Variants in C2CD2 observed in about 807,000 individuals in gnomAD.
C2CD2 encodes C2 domain-containing protein 2.
Under a neutral mutation model 74.3 loss-of-function variants are expected in C2CD2, and 43 were observed. The ratio of observed to expected loss-of-function variants is 0.58; its 90% CI spans 0.45 to 0.75. The LOEUF (loss-of-function observed/expected upper bound fraction) is 0.75. Ranked by LOEUF, C2CD2 falls within the 30% of genes least tolerant of loss-of-function variation. The probability of loss-of-function intolerance (pLI) is 0.00; values close to 1 mark genes in which losing one functional copy is unlikely to be tolerated. For synonymous variants in C2CD2, 422 were observed against 390.7 expected (o/e 1.08, Z -0.94); for missense variants, 801 against 916.3 (o/e 0.87, Z 1.63).
In C2CD2 at chr21:41,953,682, C is replaced by T. The variant is rs2065470035; in HGVS notation, c.-34G>A. On this transcript the variant is annotated 5_prime_UTR_variant, in exon 1 of 14. Transcript: ENST00000380486. ...CCCGGCCCGCCTCGCCCCAACTTCC[C>T]CGGCAGCCCCGGGCCGGAACGGCGG... 4 of 1,369,366 alleles carry T rather than the reference C, an allele frequency of 2.9e-6. No homozygotes were observed. The highest frequency in any genetic ancestry group is 3.8e-6 in the Non-Finnish European group (4 of 1,065,848). 84.8% of individuals were successfully genotyped at this position (1,369,366 alleles called of 1,614,324 possible).
intron 2 of C2CD2, among the ~76,000 whole-genome samples, chr21:41,928,777 C>G (rs988959166): frequency 6.6e-6 from 1 of 151,950 alleles, no homozygotes; most frequent in Non-Finnish European, 1.5e-5. Context: ...ACACCCAGGG[C>G]GAGTTATGGG....
At chr21:41,925,329 A>AG (rs1186906114) in intron 2 of C2CD2, among the ~76,000 whole-genome samples, 3 of 151,930 alleles carry the variant, frequency 2.0e-5, no homozygotes, top group Non-Finnish European at 4.4e-5. Flanking sequence ...CTTAAAAAAA[A>AG]AAAAATTAGC....
intron 13 of C2CD2, among the ~76,000 whole-genome samples, chr21:41,897,384 C>T (rs1191510531): frequency 3.9e-5 from 6 of 152,138 alleles, no homozygotes; most frequent in African/African-American, 1.4e-4. Flanking sequence ...ATGTTTGTCC[C>T]GCTTCGCCCA....
chr21:41,919,120 GCATGTGTGCATATGAGCATGTGTGCT>G (rs2065127133), intron 3 of C2CD2, 160 bp from the exon 4 acceptor site: 1 of 631,210 alleles, frequency 1.6e-6, no homozygotes, highest in African/African-American at 1.8e-5. Context: ...GCGTGTATGC[GCATGTGTGCATATGAGCATGTGTGCT>G]CATGTGTGCA....
At chr21:41,936,813 TC>T (rs2065311201) in intron 2 of C2CD2, among the ~76,000 whole-genome samples, 3 of 142,946 alleles carry the variant, frequency 2.1e-5, no homozygotes, top group Admixed American at 7.4e-5. Context: ...GATTTTCTTT[TC>T]CTTTTTTTTT....
chr21:41,930,645 T>TA (rs2065254198), intron 2 of C2CD2, among the ~76,000 whole-genome samples: 1 of 148,178 alleles, frequency 6.7e-6, no homozygotes, highest in South Asian at 2.2e-4. Flanking sequence ...GAGGTTGCAG[T>TA]AAGCCAAGAT....
At chr21:41,949,414 G>C (rs2065431774) in intron 1 of C2CD2, among the ~76,000 whole-genome samples, 1 of 152,172 alleles carries the variant, frequency 6.6e-6, no homozygotes, top group Admixed American at 6.5e-5. Flanking sequence ...TGTGACCAAA[G>C]AGTGATCACA....
At chr21:41,949,146 G>C (rs1057271652) in intron 1 of C2CD2, among the ~76,000 whole-genome samples, 20 of 151,908 alleles carry the variant, frequency 1.3e-4, no homozygotes, top group African/African-American at 4.6e-4. Context: ...AGGAGTTCTG[G>C]GCAGCCCACG....
chr21:41,891,716 G>C (rs958803871), intron 13 of C2CD2, among the ~76,000 whole-genome samples: 3 of 152,124 alleles, frequency 2.0e-5, no homozygotes, highest in Non-Finnish European at 4.4e-5. Flanking sequence ...GAGAGGAAGG[G>C]GTGGATCCAT....
chr21:41,933,311 G>A lies in C2CD2; in HGVS notation c.378+8836C>T, dbSNP rs1384978913. Reference sequence around the variant, plus strand: ...ATGCCCAGCTGAGGGAACACGAGGCGGTGCAGACACGGAATTAGGTGTAAA... The same window carrying A: ...ATGCCCAGCTGAGGGAACACGAGGCAGTGCAGACACGGAATTAGGTGTAAA... On this transcript the variant is annotated intron_variant, in intron 2 of 13. Coordinates refer to ENST00000380486, the MANE Select transcript of C2CD2 (RefSeq NM_015500.2). Among the ~76,000 whole-genome samples, 3 of 133,872 alleles carry A rather than the reference G, an allele frequency of 2.2e-5. No homozygotes were observed. In the South Asian group the frequency reaches 7.2e-4, roughly 32 times the overall value. The allele number at this position is 133,872 out of a possible 152,430, so 87.8% of individuals were successfully genotyped here.
intron 3 of C2CD2, among the ~76,000 whole-genome samples, chr21:41,920,798 G>C (rs2065147068): frequency 6.6e-6 from 1 of 152,220 alleles, no homozygotes; most frequent in South Asian, 2.1e-4. Context: ...TGAATGCTTT[G>C]ATATAATAAA....
chr21:41,901,642 T>C lies in C2CD2; in HGVS notation c.1540A>G (p.Ile514Val), dbSNP rs900651385. The C allele has an allele frequency of 1.2e-6, 2 of 1,614,204 alleles. No individual in the cohort carries two copies. Among genetic ancestry groups the C allele is most frequent in the Non-Finnish European group, 1.7e-6 (2 of 1,180,018 alleles). Residue 514 changes from isoleucine to valine, a missense_variant, in exon 12 of 14, where the codon ATC becomes GTC. Coordinates refer to ENST00000380486, the MANE Select transcript of C2CD2 (RefSeq NM_015500.2). ...GGTACCTTGGAGATCCCTGATATGA[T>C]AATAGTGCTTTTCTTCCGTGGCGAC... ...LKSPRKKSTI[I>V]ISGISKTSLS...
chr21:41,909,557 A>T (rs779980799), intron 7 of C2CD2, 34 bp from the exon 8 acceptor site: 2 of 1,388,130 alleles, frequency 1.4e-6, no homozygotes, highest in South Asian at 2.3e-5. Context: ...AGTCCTAAAA[A>T]ATGCAATGCT....
rs890838541 is a variant in C2CD2 at position 41,888,711 on chromosome 21, T to G, written c.*413A>C. On this transcript the variant is annotated 3_prime_UTR_variant, in exon 14 of 14. Transcript: ENST00000380486. ...TGACAGCACAGGGGGGCACCTCCTT[T>G]TTGTGACATGGTCCAGGCATGGACC... 4 of 187,860 alleles carry G rather than the reference T, an allele frequency of 2.1e-5. No homozygotes were observed. Among genetic ancestry groups the G allele is most frequent in the Non-Finnish European group, 4.5e-5 (4 of 88,770 alleles). The allele number at this position is 187,860 out of a possible 1,614,324, so 11.6% of individuals were successfully genotyped here.
Position 41,901,731 on chromosome 21 carries a change from C to G in C2CD2, c.1451G>C (p.Gly484Ala), listed in dbSNP as rs1170173907. 1.9e-6 allele frequency: 3 copies of G among 1,614,018 alleles called. 1 individual carries two copies. The South Asian group carries it at 3.3e-5, about 18-fold the overall frequency. Residue 484 changes from glycine to alanine, a missense_variant, in exon 12 of 14, where the codon GGT (glycine) becomes GCT (alanine). Coordinates refer to ENST00000380486, the MANE Select transcript of C2CD2 (RefSeq NM_015500.2). ...SSDTELLVLN[G>A]SDPVAEVAIR... is the part of the protein sequence containing the mutation. ...GGCCACTTCAGCCACTGGATCCGAA[C>G]CATTCAACACCAACAATTCTACCAG...
Position 41,899,173 on chromosome 21 carries a change from A to G in C2CD2, c.1750T>C (p.Leu584=). 1 of 1,613,178 alleles carries G rather than the reference A, an allele frequency of 6.2e-7. No individual in the cohort carries two copies. The highest frequency in any genetic ancestry group is 8.5e-7 in the Non-Finnish European group (1 of 1,179,736). Residue 584 remains leucine, a synonymous_variant, in exon 13 of 14, where the codon TTG becomes CTG. Coordinates refer to ENST00000380486, the MANE Select transcript of C2CD2 (RefSeq NM_015500.2). This position sits in a 1 kb window ranked among gnomAD's most constrained non-coding sequence, Gnocchi z 4.4. ...GCCGCGGCCTGTGGCTCCTTCTCCA[A>G]GTCCCAGGAGTCTAGCTCGTCCTCC... ...PQEDELDSWD[L]EKEPQAAAWS... is the part of the protein sequence containing the mutation.
chr21:41,947,151 T>TCCCG (rs2065407217), intron 1 of C2CD2, among the ~76,000 whole-genome samples: 2 of 132,988 alleles, frequency 1.5e-5, no homozygotes, highest in Non-Finnish European at 3.2e-5. Context: ...CCTCCCTCCC[T>TCCCG]CCCTCCCTCT....
intron 3 of C2CD2, among the ~76,000 whole-genome samples, chr21:41,920,753 T>G (rs1321533325): frequency 6.6e-6 from 1 of 152,222 alleles, no homozygotes; most frequent in Non-Finnish European, 1.5e-5. Context: ...AAAGATACAA[T>G]TGTGTTCCTT....
At chr21:41,907,320 T>C (rs1237462694) in intron 9 of C2CD2, among the ~76,000 whole-genome samples, 154 bp from the exon 10 acceptor site, 5 of 152,226 alleles carry the variant, frequency 3.3e-5, no homozygotes, top group Non-Finnish European at 7.3e-5. Flanking sequence ...ATTCCCAGAA[T>C]GGACACAGAC....
Sources: allele counts gnomAD v4.1 joint callset (sites outside exome capture counted in the v4.1 genomes callset), GRCh38; gene constraint gnomAD v4.1.1; non-coding constraint Gnocchi (gnomAD v3.1); transcripts MANE v1.5; gene names NCBI Gene and HGNC (gene_info 2026-07-23, HGNC 2026-07-21).